CFAP20: variants seen among roughly 807,000 people sequenced by gnomAD.
CFAP20 encodes cilia- and flagella-associated protein 20.
Under a neutral mutation model 25.5 loss-of-function variants are expected in CFAP20, and 14 were observed. The ratio of observed to expected loss-of-function variants is 0.55; its 90% confidence interval spans 0.36 to 0.86. CFAP20 has a LOEUF of 0.86. Among genes scored for constraint, CFAP20 ranks in the 40% least tolerant of loss-of-function variants. The probability of loss-of-function intolerance (pLI) is 0.01; values close to 1 mark genes in which losing one functional copy is unlikely to be tolerated. For synonymous variants in CFAP20, 75 were observed against 91.1 expected, an observed-to-expected ratio of 0.82 and a Z score of 1.01; for missense variants, 181 against 248.0, an observed-to-expected ratio of 0.73 and a Z score of 1.81.
Position 58,116,852 on chromosome 16 carries a change from G to A in CFAP20, c.164+20C>T. On this transcript the variant is annotated intron_variant, in intron 2 of 5. Coordinates refer to ENST00000262498, the MANE Select transcript of CFAP20 (RefSeq NM_013242.3). Reference sequence around the variant, plus strand: ...TCCCTAGTATATGATGTCTCTGGGAGAACAGAGGTGGCAACCTACCTTACA... The same window carrying A: ...TCCCTAGTATATGATGTCTCTGGGAAAACAGAGGTGGCAACCTACCTTACA... The A allele has an allele frequency of 2.5e-6, 4 of 1,604,986 alleles. No individual in the cohort carries two copies. The highest frequency in any genetic ancestry group is 3.4e-6 in the Non-Finnish European group (4 of 1,171,736).
At chr16:58,117,728 C>T (rs1337187966) in intron 1 of CFAP20, among the ~76,000 whole-genome samples, 4 of 152,222 alleles carry the variant, frequency 2.6e-5, no homozygotes, top group Non-Finnish European at 4.4e-5. Flanking sequence ...CCACTGCGCC[C>T]GTCCTGCCTT....
At chr16:58,117,071 G>A (rs1338558745) in intron 1 of CFAP20, 120 bp from the exon 2 acceptor site, 2 of 792,054 alleles carry the variant, frequency 2.5e-6, no homozygotes, top group Non-Finnish European at 4.1e-6. Flanking sequence ...GCACACTGAA[G>A]CTTATATGTA....
intron 3 of CFAP20, chr16:58,115,667 G>T: frequency 3.3e-6 from 2 of 607,068 alleles, no homozygotes; most frequent in Non-Finnish European, 5.8e-6. Flanking sequence ...AACACCAGCT[G>T]CTTATGACAT....
At chr16:58,128,841 C>T (rs533324313) in intron 1 of CFAP20, among the ~76,000 whole-genome samples, 191 bp downstream of exon 1, 1 of 147,610 alleles carries the variant, frequency 6.8e-6, no homozygotes, top group South Asian at 2.2e-4. Flanking sequence ...CGCCCCCCCC[C>T]CACCTCCTCC....
At chr16:58,124,035 G>A (rs1011293853) in intron 1 of CFAP20, among the ~76,000 whole-genome samples, 1 of 152,170 alleles carries the variant, frequency 6.6e-6, no homozygotes, top group Non-Finnish European at 1.5e-5. Context: ...AGAAGGACCA[G>A]GAAGTGCAAA....
chr16:58,117,843 C>A (rs1960479462), intron 1 of CFAP20, among the ~76,000 whole-genome samples: 1 of 152,210 alleles, frequency 6.6e-6, no homozygotes, highest in Non-Finnish European at 1.5e-5. Context: ...CTGCTTCATG[C>A]TTCCCTATCT....
Position 58,115,650 on chromosome 16 carries a change from C to A in CFAP20, c.277-193G>T, listed in dbSNP as rs867285464. On this transcript the variant is annotated intron_variant, in intron 3 of 5. Coordinates refer to ENST00000262498, the MANE Select transcript of CFAP20 (RefSeq NM_013242.3). ...AGTAGCAAGTTTATCTTGTTTGTTG[C>A]CAAGACAACACCAGCTGCTTATGAC... 1.2e-4 allele frequency: 79 copies of A among 632,518 alleles called. No individual in the cohort carries two copies. In the African/African-American group the frequency reaches 1.3e-3, roughly 10 times the overall value. 39.2% of individuals were successfully genotyped at this position (632,518 alleles called of 1,614,324 possible). A position where few individuals can be genotyped will look rare whatever the true frequency, so the allele number is the denominator to read the frequency against.
At chr16:58,121,284 A>G (rs1455325281) in intron 1 of CFAP20, among the ~76,000 whole-genome samples, 1 of 152,252 alleles carries the variant, frequency 6.6e-6, no homozygotes, top group Non-Finnish European at 1.5e-5. Flanking sequence ...GAAAGTATCA[A>G]CGTCCTTTCC....
Position 58,114,681 on chromosome 16 carries a change from C to T in CFAP20, c.576+129G>A, listed in dbSNP as rs1051094612. On this transcript the variant is annotated intron_variant, in intron 5 of 5. Coordinates refer to ENST00000262498, the MANE Select transcript of CFAP20 (RefSeq NM_013242.3). Reference sequence around the variant, plus strand: ...TGCTGGAAGGAGACCTAAGATCTTGCGATATAAAGGCACCCCAAAGTGTCA... The same window carrying T: ...TGCTGGAAGGAGACCTAAGATCTTGTGATATAAAGGCACCCCAAAGTGTCA... 16 of 666,412 alleles carry T rather than the reference C, an allele frequency of 2.4e-5. No individual in the cohort carries two copies. In the Admixed American group the frequency reaches 2.7e-4, roughly 11 times the overall value. 41.3% of individuals were successfully genotyped at this position (666,412 alleles called of 1,614,324 possible). A position where few individuals can be genotyped will look rare whatever the true frequency, so the allele number is the denominator to read the frequency against.
At chr16:58,116,290 T>G (rs935047986) in intron 2 of CFAP20, 138 bp from the exon 3 acceptor site, 1 of 597,670 alleles carries the variant, frequency 1.7e-6, no homozygotes, top group African/African-American at 1.8e-5. Context: ...AGTGAATCCC[T>G]CAGCCCTAAG....
At chr16:58,115,013 G>A (rs775685726) in intron 4 of CFAP20, 93 bp from the exon 5 acceptor site, 47 of 1,188,292 alleles carry the variant, frequency 4.0e-5, no homozygotes, top group Non-Finnish European at 5.4e-5. Flanking sequence ...GACTGGAAAC[G>A]CGTCATCTCC....
At chr16:58,117,036 G>C (rs994904254) in intron 1 of CFAP20, 85 bp from the exon 2 acceptor site, 3 of 1,238,788 alleles carry the variant, frequency 2.4e-6, no homozygotes, top group Admixed American at 1.9e-5. Context: ...TAGCCCAAGA[G>C]GCGTACAAAG....
intron 1 of CFAP20, among the ~76,000 whole-genome samples, chr16:58,123,615 A>AG: frequency 1.4e-5 from 2 of 147,952 alleles, no homozygotes; most frequent in Non-Finnish European, 3.0e-5. Flanking sequence ...AAAAAAAAAA[A>AG]AAAAAAAAAA....
chr16:58,116,765 T>G (rs890189707), intron 2 of CFAP20, 107 bp downstream of exon 2: 80 of 985,680 alleles, frequency 8.1e-5, no homozygotes, highest in Admixed American at 1.8e-4. Flanking sequence ...GTGGCAGAGA[T>G]AGACTCACAT....
At chr16:58,125,734 C>A (rs1443760420) in intron 1 of CFAP20, among the ~76,000 whole-genome samples, 3 of 152,108 alleles carry the variant, frequency 2.0e-5, no homozygotes, top group Non-Finnish European at 4.4e-5. Flanking sequence ...AATACATAAG[C>A]CAGTAACATA....
intron 1 of CFAP20, among the ~76,000 whole-genome samples, chr16:58,123,456 C>A (rs1428125503): frequency 1.3e-5 from 2 of 148,652 alleles, no homozygotes; most frequent in Non-Finnish European, 3.0e-5. Flanking sequence ...ATTAGCTGGG[C>A]GTGGTGGCGG....
intron 1 of CFAP20, among the ~76,000 whole-genome samples, chr16:58,123,125 G>A (rs924959380): frequency 5.9e-5 from 9 of 152,064 alleles, no homozygotes; most frequent in African/African-American, 2.2e-4. Context: ...CTCCCGAGTA[G>A]CTGGGATTAC....
chr16:58,114,630 A>G (rs76313365), intron 5 of CFAP20, among the ~76,000 whole-genome samples, 180 bp downstream of exon 5: 4,332 of 152,206 alleles, frequency 0.028, 112 homozygotes, highest in South Asian at 0.15. Context: ...GTAACAGAGT[A>G]TTTCACAGGA....
rs1960465693 is a variant in CFAP20 at position 58,116,957 on chromosome 16, A to G, written c.85-6T>C. ...TTGATGTGGCCATTCCGTACCTACA[A>G]GAAAGAAAATTCGATTAGTACTGAA... On this transcript the variant is annotated splice_polypyrimidine_tract_variant and splice_region_variant and intron_variant, in intron 1 of 5. Coordinates refer to ENST00000262498, the MANE Select transcript of CFAP20 (RefSeq NM_013242.3). The G allele has an allele frequency of 6.2e-7, 1 of 1,613,424 alleles. No individual in the cohort carries two copies. Among genetic ancestry groups the G allele is most frequent in the Non-Finnish European group, 8.5e-7 (1 of 1,179,314 alleles).
Sources: allele counts gnomAD v4.1 joint callset (sites outside exome capture counted in the v4.1 genomes callset), GRCh38; gene constraint gnomAD v4.1.1; transcripts MANE v1.5; gene names NCBI Gene and HGNC (gene_info 2026-07-23, HGNC 2026-07-21).